DACH2: variants seen among roughly 807,000 people sequenced by gnomAD.
DACH2 encodes the protein dachshund homolog 2.
DACH2 carries 17 observed loss-of-function variants against 35.8 expected under a neutral mutation model. The observed-to-expected ratio is 0.48, with a 90% CI of 0.33 to 0.71. The LOEUF is 0.71. Ranked by LOEUF, DACH2 falls within the 30% of genes least tolerant of loss-of-function variation. The pLI, the probability that DACH2 is intolerant of heterozygous loss-of-function variation, is 0.02. For synonymous variants in DACH2, 195 were observed against 177.3 expected (o/e 1.10, Z -0.79); for missense variants, 469 against 472.7 (o/e 0.99, Z 0.07).
At chrX:86,705,030 A>T (rs1312843352) in intron 5 of DACH2, among the ~76,000 whole-genome samples, 1 of 84,426 alleles carries the variant, frequency 1.2e-5, no homozygotes, top group Non-Finnish European at 2.6e-5. Context: ...AGAAATTGTT[A>T]TATATATATA....
At chrX:86,551,087 A>G (rs902267342) in intron 3 of DACH2, among the ~76,000 whole-genome samples, 1 of 111,856 alleles carries the variant, frequency 8.9e-6, no homozygotes, top group Non-Finnish European at 1.9e-5. Context: ...TAGGCCAACC[A>G]CTGCTACAAA....
intron 1 of DACH2, among the ~76,000 whole-genome samples, chrX:86,197,042 G>A (rs2032010329): frequency 8.9e-6 from 1 of 111,873 alleles, no homozygotes; most frequent in Non-Finnish European, 1.9e-5. Context: ...AGGGAAGCCT[G>A]TCAAACTAAC....
At chrX:86,462,432 C>G (rs1019688431) in intron 2 of DACH2, among the ~76,000 whole-genome samples, 1 of 111,248 alleles carries the variant, frequency 9.0e-6, no homozygotes, top group African/African-American at 3.3e-5. Context: ...TCTGTAGGTA[C>G]TAGTAAAGTT....
intron 1 of DACH2, among the ~76,000 whole-genome samples, chrX:86,307,128 G>A (rs1409596231): frequency 1.8e-5 from 2 of 111,732 alleles, no homozygotes; most frequent in Non-Finnish European, 3.8e-5. Context: ...GGAACATAAT[G>A]AATCTGGTTG....
chrX:86,323,892 A>G (rs1037952292), intron 1 of DACH2, among the ~76,000 whole-genome samples: 1 of 111,957 alleles, frequency 8.9e-6, no homozygotes, highest in Non-Finnish European at 1.9e-5. Flanking sequence ...TAATCAGCTG[A>G]CAGATGCTTG....
At chrX:86,520,279 T>C (rs1240869198) in intron 3 of DACH2, among the ~76,000 whole-genome samples, 1 of 111,869 alleles carries the variant, frequency 8.9e-6, no homozygotes, top group African/African-American at 3.2e-5. Context: ...GTGTTTTGTA[T>C]GATTTTGGTT....
intron 1 of DACH2, among the ~76,000 whole-genome samples, chrX:86,171,142 T>A (rs1200344283): frequency 9.0e-6 from 1 of 111,448 alleles, no homozygotes; most frequent in African/African-American, 3.3e-5. Flanking sequence ...CCAAGATTTA[T>A]TTTCTTTTCA....
chrX:86,258,558 A>G (rs1449981541), intron 1 of DACH2, among the ~76,000 whole-genome samples: 1 of 111,561 alleles, frequency 9.0e-6, no homozygotes, highest in East Asian at 2.8e-4. Context: ...CATTTCCTAT[A>G]GTGAAATTAT....
At chrX:86,349,083 G>T (rs1230050167) in intron 1 of DACH2, among the ~76,000 whole-genome samples, 7 of 112,458 alleles carry the variant, frequency 6.2e-5, no homozygotes, top group African/African-American at 2.3e-4. Flanking sequence ...GTATCCCAGG[G>T]TTCTTTCCTT....
At chrX:86,507,178 C>T (rs761228137) in intron 2 of DACH2, among the ~76,000 whole-genome samples, 6 of 111,440 alleles carry the variant, frequency 5.4e-5, no homozygotes, top group Non-Finnish European at 1.1e-4. Context: ...TTCTGATGGA[C>T]TTGCTCAAGT....
At chrX:86,571,344 C>T (rs1353751139) in intron 3 of DACH2, among the ~76,000 whole-genome samples, 2 of 110,068 alleles carry the variant, frequency 1.8e-5, no homozygotes, top group East Asian at 2.9e-4. Flanking sequence ...ATGTGCACAA[C>T]GTGCAGGTTT....
intron 2 of DACH2, among the ~76,000 whole-genome samples, chrX:86,407,039 G>T (rs1192553264): frequency 8.9e-6 from 1 of 112,034 alleles, no homozygotes; most frequent in Non-Finnish European, 1.9e-5. Context: ...GGAAACTAAA[G>T]TAAAGCTGCA....
chrX:86,628,399 G>A (rs1194807582), intron 3 of DACH2, among the ~76,000 whole-genome samples: 1 of 111,888 alleles, frequency 8.9e-6, no homozygotes, highest in Non-Finnish European at 1.9e-5. Context: ...GGTAGCTATA[G>A]ATAAATGCAG....
intron 7 of DACH2, among the ~76,000 whole-genome samples, chrX:86,806,050 G>C (rs2042341449): frequency 9.0e-6 from 1 of 110,738 alleles, no homozygotes; most frequent in Non-Finnish European, 1.9e-5. Flanking sequence ...ACGTTTTTAG[G>C]TATCTTTATA....
At chrX:86,595,051 T>C (rs1222338165) in intron 3 of DACH2, among the ~76,000 whole-genome samples, 1 of 111,587 alleles carries the variant, frequency 9.0e-6, no homozygotes, top group Non-Finnish European at 1.9e-5. Context: ...TGTAAATTTT[T>C]TGGTTCTGAA....
chrX:86,427,726 C>T (rs955532330), intron 2 of DACH2, among the ~76,000 whole-genome samples: 5 of 111,482 alleles, frequency 4.5e-5, no homozygotes, highest in African/African-American at 6.5e-5. Context: ...AATATATAAT[C>T]TGTAAAAAGC....
chrX:86,668,832 A>C (rs1375040480), intron 4 of DACH2, among the ~76,000 whole-genome samples: 1 of 111,790 alleles, frequency 8.9e-6, no homozygotes, highest in African/African-American at 3.2e-5. Context: ...TTAGGAAACA[A>C]GGGTTTTGGA....
chrX:86,638,384 C>CAA (rs1451477881), intron 3 of DACH2, among the ~76,000 whole-genome samples: 3 of 111,843 alleles, frequency 2.7e-5, no homozygotes, highest in Non-Finnish European at 5.6e-5. Flanking sequence ...CTCAAAAGCA[C>CAA]AAACAACAAA....
chrX:86,270,332 T>C lies in DACH2; in HGVS notation c.489-106492T>C, dbSNP rs1467978437. On this transcript the variant is annotated intron_variant, in intron 1 of 11. Transcript: ENST00000373125. ...TTTGTTTCTACACTGATATTGAATA[T>C]AGAAAAGAGACAACACATAGATTGC... Among the ~76,000 whole-genome samples the C allele has an allele frequency of 2.7e-5, 3 of 111,105 alleles. No homozygotes were observed. In the East Asian group the frequency reaches 8.4e-4, roughly 31 times the overall value.
Sources: allele counts gnomAD v4.1 joint callset (sites outside exome capture counted in the v4.1 genomes callset), GRCh38; gene constraint gnomAD v4.1.1; transcripts MANE v1.5; gene names NCBI Gene and HGNC (gene_info 2026-07-23, HGNC 2026-07-21).